Variants in PCGF6 observed in about 807,000 individuals in gnomAD.
The protein encoded by PCGF6 is polycomb group ring finger 6, also known as polycomb group RING finger protein 6.
In PCGF6, 24 loss-of-function variants were observed where a neutral mutation model predicts 45.5. The ratio of observed to expected loss-of-function variants is 0.53; its 90% CI spans 0.38 to 0.74. The LOEUF is 0.74. Among genes scored for constraint, PCGF6 ranks in the 30% least tolerant of loss-of-function variants. PCGF6 has a pLI of 0.00. For missense variants in PCGF6, 356 were observed against 443.2 expected, an observed-to-expected ratio of 0.80 and a Z score of 1.77; for synonymous variants, 152 against 162.1, an observed-to-expected ratio of 0.94 and a Z score of 0.47.
intron 6 of PCGF6, among the ~76,000 whole-genome samples, chr10:103,344,143 G>A (rs2093291116): frequency 6.6e-6 from 1 of 151,886 alleles, no homozygotes; most frequent in Non-Finnish European, 1.5e-5. Context: ...ATTTCAACAG[G>A]GATGAATCAC....
chr10:103,322,070 A>T (rs1310198331), intron 8 of PCGF6, among the ~76,000 whole-genome samples: 2 of 151,716 alleles, frequency 1.3e-5, no homozygotes, highest in African/African-American at 4.8e-5. Flanking sequence ...TAATGTTTGT[A>T]TTTTTACTAG....
chr10:103,344,199 A>G (rs1191047777), intron 6 of PCGF6, among the ~76,000 whole-genome samples: 5 of 152,134 alleles, frequency 3.3e-5, no homozygotes, highest in Non-Finnish European at 7.4e-5. Flanking sequence ...GGCAAAAACA[A>G]TGCTACATAT....
At chr10:103,318,722 C>T (rs940121525) in intron 8 of PCGF6, among the ~76,000 whole-genome samples, 12 of 148,730 alleles carry the variant, frequency 8.1e-5, no homozygotes, top group Non-Finnish European at 1.6e-4. Flanking sequence ...CCAGCCTGGG[C>T]GACAGAGCGA....
intron 9 of PCGF6, among the ~76,000 whole-genome samples, chr10:103,307,974 G>A (rs556613923): frequency 6.6e-6 from 1 of 152,212 alleles, no homozygotes; most frequent in East Asian, 1.9e-4. Context: ...GCTGGCTCAC[G>A]CCTGGAATCC....
At chr10:103,340,574 G>T (rs1225681715) in intron 6 of PCGF6, among the ~76,000 whole-genome samples, 1 of 151,876 alleles carries the variant, frequency 6.6e-6, no homozygotes, top group African/African-American at 2.4e-5. Flanking sequence ...TGTGATTAGT[G>T]GAAAGTGTTA....
At chr10:103,317,174 C>G (rs2093179017) in intron 8 of PCGF6, among the ~76,000 whole-genome samples, 2 of 152,116 alleles carry the variant, frequency 1.3e-5, no homozygotes, top group African/African-American at 4.8e-5. Flanking sequence ...CCACACTCGG[C>G]TAATTTTTGT....
chr10:103,336,292 G>A (rs1050316585), intron 6 of PCGF6, among the ~76,000 whole-genome samples: 2 of 150,536 alleles, frequency 1.3e-5, no homozygotes, highest in Non-Finnish European at 3.0e-5. Flanking sequence ...TAGAGATACA[G>A]AAATATTTAT....
At chr10:103,334,906 T>C (rs1405443442) in intron 6 of PCGF6, among the ~76,000 whole-genome samples, 5 of 152,198 alleles carry the variant, frequency 3.3e-5, no homozygotes. Context: ...ACAGAGGTCA[T>C]AACTTTCTTT....
chr10:103,321,271 G>A (rs1243729945), intron 8 of PCGF6, among the ~76,000 whole-genome samples: 1 of 152,096 alleles, frequency 6.6e-6, no homozygotes. Flanking sequence ...CAGAGTAGCT[G>A]GGATTACAGG....
At chr10:103,329,278 G>T (rs2093231044) in intron 7 of PCGF6, among the ~76,000 whole-genome samples, 1 of 151,770 alleles carries the variant, frequency 6.6e-6, no homozygotes, top group Non-Finnish European at 1.5e-5. Flanking sequence ...GACCTCAGGT[G>T]ATCCACCCGC....
chr10:103,346,184 G>C (rs1038481117), intron 5 of PCGF6, among the ~76,000 whole-genome samples: 1 of 134,950 alleles, frequency 7.4e-6, no homozygotes, highest in Admixed American at 7.8e-5. Context: ...GACAGAGCAA[G>C]TCCATCTCAT....
intron 6 of PCGF6, among the ~76,000 whole-genome samples, chr10:103,338,487 G>C (rs1320161029): frequency 6.6e-6 from 1 of 150,910 alleles, no homozygotes; most frequent in African/African-American, 2.4e-5. Context: ...GGAGCTTGCA[G>C]TGAGCTGAGA....
At chr10:103,329,109 G>A (rs1018823686) in intron 7 of PCGF6, among the ~76,000 whole-genome samples, 4 of 150,622 alleles carry the variant, frequency 2.7e-5, no homozygotes, top group East Asian at 3.9e-4. Flanking sequence ...GCACAATCTC[G>A]GCTCACTGCA....
rs910060978 is a variant in PCGF6, at chr10:103,308,923, T to C, written c.997-4962A>G. Among the ~76,000 whole-genome samples the C allele has an allele frequency of 2.6e-5, 4 of 152,120 alleles. No homozygotes were observed. The South Asian group carries it at 8.3e-4, about 31-fold the overall frequency. On this transcript the variant is annotated intron_variant, in intron 9 of 9. Coordinates refer to ENST00000369847, the MANE Select transcript of PCGF6 (RefSeq NM_001011663.2). ...ATAAAAAAATTAATGGCTGCTGTTC[T>C]GTGTTTCAGACTTACATGGGGACAT...
At chr10:103,314,151 C>T (rs2093166722) in intron 9 of PCGF6, 35 bp downstream of exon 9, 1 of 1,365,188 alleles carries the variant, frequency 7.3e-7, no homozygotes, top group African/African-American at 1.5e-5. Context: ...CACTAAGTAA[C>T]TTATCTGTTA....
chr10:103,341,172 T>TGAGCCGAGATTGCGCC, intron 6 of PCGF6, among the ~76,000 whole-genome samples: 1 of 150,994 alleles, frequency 6.6e-6, no homozygotes, highest in Admixed American at 6.6e-5. Context: ...GAGGTTGCGG[T>TGAGCCGAGATTGCGCC]GAGCCGAGAT....
At chr10:103,348,340 G>GTT (rs113018538) in intron 3 of PCGF6, 21 of 145,430 alleles carry the variant, frequency 1.4e-4, no homozygotes, top group Non-Finnish European at 2.5e-4. Flanking sequence ...GAGTTTTTTT[G>GTT]TTTTTTTTTT....
At chr10:103,348,545 G>A in intron 3 of PCGF6, 171 bp downstream of exon 3, 1 of 485,958 alleles carries the variant, frequency 2.1e-6, no homozygotes, top group Non-Finnish European at 3.6e-6. Flanking sequence ...GGTTGGTCTT[G>A]AACTCCTGAT....
At chr10:103,345,802 T>C (rs2093296816) in intron 5 of PCGF6, among the ~76,000 whole-genome samples, 1 of 150,288 alleles carries the variant, frequency 6.7e-6, no homozygotes, top group African/African-American at 2.5e-5. Flanking sequence ...CACTCCAGCC[T>C]AGGTGACAAG....
Sources: gnomAD v4.1 joint callset for allele counts (sites outside exome capture counted in the v4.1 genomes callset) on GRCh38, gnomAD v4.1.1 for gene constraint, MANE v1.5 for transcripts, NCBI Gene and HGNC (gene_info 2026-07-23, HGNC 2026-07-21) for gene names.